The following NAV2 variants were observed in gnomAD, a reference collection of about 807,000 sequenced individuals.
The protein encoded by NAV2 is helicase, APC down-regulated 1.
In NAV2, 54 loss-of-function variants were observed where a neutral mutation model predicts 223.2. The ratio of observed to expected loss-of-function variants is 0.24; its 90% CI spans 0.19 to 0.30. The LOEUF (loss-of-function observed/expected upper bound fraction) is 0.30, where lower values mean the gene tolerates loss of function less well. Ranked by LOEUF, NAV2 falls within the 10% of genes least tolerant of loss-of-function variation. The pLI is 1.00. For missense variants in NAV2, 2,806 were observed against 3,147.5 expected, an observed-to-expected ratio of 0.89 and a Z score of 2.60; for synonymous variants, 1,279 against 1,239.3, an observed-to-expected ratio of 1.03 and a Z score of -0.67.
chr11:19,737,867 G>T (rs2052466741), intron 1 of NAV2, among the ~76,000 whole-genome samples: 1 of 152,220 alleles, frequency 6.6e-6, no homozygotes, highest in Non-Finnish European at 1.5e-5. Context: ...TGCTCTGACA[G>T]CCCAAGCCAT....
chr11:19,494,952 G>T (rs1338602732), intron 1 of NAV2, among the ~76,000 whole-genome samples: 2 of 152,198 alleles, frequency 1.3e-5, no homozygotes, highest in African/African-American at 2.4e-5. Context: ...TCTGCCCCTG[G>T]TGGGACTGAC....
chr11:20,072,463 T>C (rs2059463907), intron 22 of NAV2, among the ~76,000 whole-genome samples: 1 of 152,206 alleles, frequency 6.6e-6, no homozygotes, highest in Non-Finnish European at 1.5e-5. Flanking sequence ...TTTTTACAAT[T>C]CTGTGAAGAA....
At chr11:19,435,808 A>G (rs954301302) in intron 1 of NAV2, among the ~76,000 whole-genome samples, 35 of 152,074 alleles carry the variant, frequency 2.3e-4, no homozygotes, top group African/African-American at 8.2e-4. Flanking sequence ...TTTAAGTTTC[A>G]TTTTGCTGAT....
intron 1 of NAV2, among the ~76,000 whole-genome samples, chr11:19,631,545 C>A (rs1488735427): frequency 6.6e-6 from 1 of 152,176 alleles, no homozygotes; most frequent in African/African-American, 2.4e-5. Context: ...CACTGACTAC[C>A]TTTCCCCTTC....
intron 1 of NAV2, among the ~76,000 whole-genome samples, chr11:19,654,366 T>C (rs1238257255): frequency 6.6e-6 from 1 of 152,194 alleles, no homozygotes; most frequent in Non-Finnish European, 1.5e-5. Context: ...ACCAATGACT[T>C]TCTTCACAGA....
chr11:19,803,505 G>A (rs80197862), intron 1 of NAV2, among the ~76,000 whole-genome samples: 17,989 of 152,268 alleles, frequency 0.12, 1,125 homozygotes, highest in Non-Finnish European at 0.13. Context: ...TGTGGCTTAG[G>A]CAAGTTACTT....
At chr11:19,990,853 C>T (rs1049351396) in intron 11 of NAV2, among the ~76,000 whole-genome samples, 1 of 152,182 alleles carries the variant, frequency 6.6e-6, no homozygotes, top group Non-Finnish European at 1.5e-5. Flanking sequence ...AGAACAATTC[C>T]CACACTGTAG....
At chr11:19,368,278 C>T (rs988086985) in intron 1 of NAV2, among the ~76,000 whole-genome samples, 13 of 152,198 alleles carry the variant, frequency 8.5e-5, no homozygotes, top group Admixed American at 4.6e-4. Flanking sequence ...CCAAGAGGTC[C>T]TACAGGATTT....
At chr11:19,467,026 G>A (rs931894459) in intron 1 of NAV2, among the ~76,000 whole-genome samples, 2 of 112,524 alleles carry the variant, frequency 1.8e-5, no homozygotes, top group South Asian at 2.9e-4. Flanking sequence ...CACAGAGAGA[G>A]AGAGAGAGAG....
At chr11:19,434,079 T>C (rs567987500) in intron 1 of NAV2, among the ~76,000 whole-genome samples, 1 of 149,014 alleles carries the variant, frequency 6.7e-6, no homozygotes, top group African/African-American at 2.5e-5. Flanking sequence ...ACATGGCCTC[T>C]GTTGGATGAA....
At chr11:20,089,542 G>T (rs2060680759) in intron 26 of NAV2, among the ~76,000 whole-genome samples, 1 of 151,808 alleles carries the variant, frequency 6.6e-6, no homozygotes, top group Non-Finnish European at 1.5e-5. Context: ...ATTTATTTCT[G>T]CAGAGACCAC....
intron 1 of NAV2, among the ~76,000 whole-genome samples, chr11:19,501,472 A>T (rs1409296961): frequency 6.6e-6 from 1 of 151,840 alleles, no homozygotes; most frequent in Non-Finnish European, 1.5e-5. Flanking sequence ...TAATTCCACA[A>T]CTCCACTGGT....
intron 1 of NAV2, among the ~76,000 whole-genome samples, chr11:19,442,711 C>T (rs1226908633): frequency 6.6e-6 from 1 of 152,180 alleles, no homozygotes; most frequent in Non-Finnish European, 1.5e-5. Flanking sequence ...CACCAACTGG[C>T]TGTGTAAACT....
chr11:19,974,494 A>G (rs2049531575), intron 10 of NAV2, among the ~76,000 whole-genome samples: 1 of 152,230 alleles, frequency 6.6e-6, no homozygotes, highest in Non-Finnish European at 1.5e-5. Flanking sequence ...AATACAAAAT[A>G]TTAATAATAG....
chr11:19,430,069 C>G (rs1480012512), intron 1 of NAV2, among the ~76,000 whole-genome samples: 1 of 152,178 alleles, frequency 6.6e-6, no homozygotes, highest in African/African-American at 2.4e-5. Flanking sequence ...GTTCAGGGAG[C>G]AATGGTGGGC....
At chr11:19,872,958 A>G (rs1484776705) in intron 4 of NAV2, among the ~76,000 whole-genome samples, 3 of 152,150 alleles carry the variant, frequency 2.0e-5, no homozygotes, top group African/African-American at 4.8e-5. Context: ...GGTGGTGTTC[A>G]AGATCCCCCA....
At chr11:19,721,254 C>A (rs1161738543) in intron 1 of NAV2, among the ~76,000 whole-genome samples, 2 of 152,212 alleles carry the variant, frequency 1.3e-5, no homozygotes. Context: ...GACTCCTCCC[C>A]CTGCCCTAGA....
At chr11:20,011,358 C>A (rs548610381) in intron 11 of NAV2, among the ~76,000 whole-genome samples, 1 of 152,232 alleles carries the variant, frequency 6.6e-6, no homozygotes, top group East Asian at 1.9e-4. Flanking sequence ...TTATATGACA[C>A]AGAGAAATCT....
At chr11:19,932,896 G>A (rs923386696) in intron 6 of NAV2, among the ~76,000 whole-genome samples, 30 of 152,216 alleles carry the variant, frequency 2.0e-4, no homozygotes, top group Admixed American at 1.9e-3. Context: ...TATTAACGGT[G>A]CAGGTGTCTG....
Sources: gnomAD v4.1 joint callset for allele counts (sites outside exome capture counted in the v4.1 genomes callset) on GRCh38, gnomAD v4.1.1 for gene constraint, MANE v1.5 for transcripts, NCBI Gene and HGNC (gene_info 2026-07-23, HGNC 2026-07-21) for gene names.